The following CDKAL1 variants were observed in gnomAD, a reference collection of about 807,000 sequenced individuals.
The protein encoded by CDKAL1 is CDKAL1 threonylcarbamoyladenosine tRNA methylthiotransferase, also known as threonylcarbamoyladenosine tRNA methylthiotransferase.
Under a neutral mutation model 68.2 loss-of-function variants are expected in CDKAL1, and 32 were observed. The ratio of observed to expected loss-of-function variants is 0.47; its 90% CI spans 0.35 to 0.63. The LOEUF (loss-of-function observed/expected upper bound fraction) is 0.63, where lower values mean the gene tolerates loss of function less well. CDKAL1 is among the 30% of genes least tolerant of loss of function. The probability of loss-of-function intolerance (pLI) is 0.00; values close to 1 mark genes in which losing one functional copy is unlikely to be tolerated. For missense variants in CDKAL1, 606 were observed against 696.7 expected, an observed-to-expected ratio of 0.87 and a Z score of 1.47; for synonymous variants, 234 against 244.3, an observed-to-expected ratio of 0.96 and a Z score of 0.39.
intron 12 of CDKAL1, among the ~76,000 whole-genome samples, chr6:21,099,458 T>C (rs1385771646): frequency 6.6e-6 from 1 of 152,176 alleles, no homozygotes; most frequent in Non-Finnish European, 1.5e-5. Context: ...TTTTTAAATG[T>C]ACAAACAAAT....
chr6:20,882,214 A>G (rs1339689048), intron 9 of CDKAL1, among the ~76,000 whole-genome samples: 1 of 152,182 alleles, frequency 6.6e-6, no homozygotes, highest in Non-Finnish European at 1.5e-5. Context: ...GGGAAGGGGC[A>G]TTCCTGTCTC....
At chr6:21,180,763 C>T (rs1777757474) in intron 13 of CDKAL1, among the ~76,000 whole-genome samples, 1 of 151,910 alleles carries the variant, frequency 6.6e-6, no homozygotes, top group Admixed American at 6.6e-5. Flanking sequence ...TAGTTTTTAT[C>T]TTCTGTTTGT....
intron 5 of CDKAL1, among the ~76,000 whole-genome samples, chr6:20,655,591 T>A (rs1241617032): frequency 6.6e-6 from 1 of 152,184 alleles, no homozygotes; most frequent in Non-Finnish European, 1.5e-5. Flanking sequence ...CACATCCTAT[T>A]GTGAACTGTA....
intron 12 of CDKAL1, among the ~76,000 whole-genome samples, chr6:21,074,200 C>T (rs1771943533): frequency 1.3e-5 from 2 of 152,192 alleles, no homozygotes; most frequent in Admixed American, 1.3e-4. Flanking sequence ...CAGAATCCTT[C>T]CTGGCCTGTC....
chr6:20,621,792 T>C, intron 4 of CDKAL1, among the ~76,000 whole-genome samples: 1 of 147,334 alleles, frequency 6.8e-6, no homozygotes. Context: ...TTTTGACCAC[T>C]TTTTGGCACT....
At chr6:20,810,367 GTCTCTCTCTCTC>G in intron 8 of CDKAL1, among the ~76,000 whole-genome samples, 1 of 136,406 alleles carries the variant, frequency 7.3e-6, no homozygotes, top group Non-Finnish European at 1.6e-5. Context: ...CATAGTGAGA[GTCTCTCTCTCTC>G]TCTCTCTCTC....
intron 10 of CDKAL1, among the ~76,000 whole-genome samples, chr6:20,956,100 A>G (rs1286814960): frequency 6.6e-6 from 1 of 152,152 alleles, no homozygotes; most frequent in Non-Finnish European, 1.5e-5. Context: ...GTACTCTTCC[A>G]CTTGATTTGC....
At chr6:20,672,615 G>A (rs1320033247) in intron 5 of CDKAL1, among the ~76,000 whole-genome samples, 4 of 151,912 alleles carry the variant, frequency 2.6e-5, no homozygotes, top group Non-Finnish European at 5.9e-5. Flanking sequence ...TGGGCCTCCC[G>A]CAGTGCTGGG....
At chr6:21,090,105 A>G (rs1459752405) in intron 12 of CDKAL1, among the ~76,000 whole-genome samples, 2 of 152,234 alleles carry the variant, frequency 1.3e-5, no homozygotes, top group African/African-American at 2.4e-5. Context: ...GCTATAAGTA[A>G]ATAGACACCT....
At chr6:21,197,552 C>T (rs1300476075) in intron 13 of CDKAL1, among the ~76,000 whole-genome samples, 2 of 152,262 alleles carry the variant, frequency 1.3e-5, no homozygotes, top group East Asian at 3.9e-4. Context: ...TTTTCCGAGG[C>T]ATTTTCTTTA....
intron 13 of CDKAL1, among the ~76,000 whole-genome samples, chr6:21,171,332 C>A (rs545112470): frequency 6.6e-6 from 1 of 152,262 alleles, no homozygotes; most frequent in South Asian, 2.1e-4. Context: ...CCTGCCTCAG[C>A]CTCCCGAGTA....
rs554599205 is a variant in CDKAL1 at position 20,617,052 on chromosome 6, A to C, written c.287-32241A>C. Reference sequence around the variant, plus strand: ...CCTTTCTGTCTCAGAAGAAAAAAAAAAAAGCCTTTTTGTTCTAAATTAAAG... The same window carrying C: ...CCTTTCTGTCTCAGAAGAAAAAAAACAAAGCCTTTTTGTTCTAAATTAAAG... On this transcript the variant is annotated intron_variant, in intron 4 of 15. Coordinates refer to ENST00000274695, the MANE Select transcript of CDKAL1 (RefSeq NM_017774.3). 2.4e-3 allele frequency among the ~76,000 whole-genome samples: 363 copies of C among 151,644 alleles called. 3 individuals are homozygous for C. Among genetic ancestry groups the C allele is most frequent in the African/African-American group, 8.4e-3 (348 of 41,352 alleles).
chr6:21,081,372 A>AT (rs1197398267), intron 12 of CDKAL1, among the ~76,000 whole-genome samples: 1 of 152,116 alleles, frequency 6.6e-6, no homozygotes, highest in Non-Finnish European at 1.5e-5. Flanking sequence ...TCCAGTGGTG[A>AT]TTACATACCT....
chr6:21,145,036 C>G (rs991649843), intron 13 of CDKAL1, among the ~76,000 whole-genome samples: 7 of 152,100 alleles, frequency 4.6e-5, no homozygotes, highest in African/African-American at 1.7e-4. Flanking sequence ...TGGTCATGTC[C>G]CCTTAGGCTG....
chr6:20,583,810 T>C (rs1460205680), intron 4 of CDKAL1, among the ~76,000 whole-genome samples: 1 of 145,702 alleles, frequency 6.9e-6, no homozygotes, highest in Non-Finnish European at 1.5e-5. Flanking sequence ...TTCAGTCTGC[T>C]CTTGCAGAGA....
intron 15 of CDKAL1, among the ~76,000 whole-genome samples, chr6:21,206,392 G>A (rs976515808): frequency 3.9e-5 from 6 of 152,132 alleles, no homozygotes; most frequent in Non-Finnish European, 8.8e-5. Context: ...GAACATTACT[G>A]CTGTCTGTTT....
At chr6:21,022,117 A>C (rs1373099219) in intron 11 of CDKAL1, among the ~76,000 whole-genome samples, 1 of 152,210 alleles carries the variant, frequency 6.6e-6, no homozygotes, top group Non-Finnish European at 1.5e-5. Flanking sequence ...AACATATTTT[A>C]GCAAAGCTAC....
intron 4 of CDKAL1, among the ~76,000 whole-genome samples, chr6:20,618,364 T>G (rs1009988449): frequency 2.0e-5 from 3 of 152,160 alleles, no homozygotes; most frequent in African/African-American, 7.2e-5. Flanking sequence ...TCTGTAGGTT[T>G]CCTGTTCACT....
At chr6:20,847,193 T>C (rs1411898980) in intron 9 of CDKAL1, among the ~76,000 whole-genome samples, 1 of 152,188 alleles carries the variant, frequency 6.6e-6, no homozygotes, top group Non-Finnish European at 1.5e-5. Flanking sequence ...CCCCTCCTCC[T>C]TTCACATTCA....
Sources: allele counts gnomAD v4.1 joint callset (sites outside exome capture counted in the v4.1 genomes callset), GRCh38; gene constraint gnomAD v4.1.1; transcripts MANE v1.5; gene names NCBI Gene and HGNC (gene_info 2026-07-23, HGNC 2026-07-21).